The following CALN1 variants were observed in gnomAD, a reference collection of about 807,000 sequenced individuals.
CALN1 encodes calneuron 1.
A neutral mutation model predicts 30.6 loss-of-function variants in CALN1; 17 were observed. That is an observed-to-expected ratio of 0.56 (90% CI 0.38 to 0.83). The LOEUF (loss-of-function observed/expected upper bound fraction) is 0.83. Ranked by LOEUF, CALN1 falls within the 40% of genes least tolerant of loss-of-function variation. CALN1 has a pLI of 0.00. For missense variants in CALN1, 291 were observed against 354.9 expected (o/e 0.82, Z 1.45); for synonymous variants, 156 against 131.4 (o/e 1.19, Z -1.28).
At chr7:72,459,914 T>A in the CALN1 span, among the ~76,000 whole-genome samples, 2 of 152,178 alleles carry the variant, frequency 1.3e-5, no homozygotes, top group Non-Finnish European at 2.9e-5. Flanking sequence ...AAAGGCATAC[T>A]TGGGGCTGGG....
intron 1 of CALN1, among the ~76,000 whole-genome samples, chr7:72,425,323 A>G (rs1807767111): frequency 6.6e-6 from 1 of 152,162 alleles, no homozygotes; most frequent in Admixed American, 6.5e-5. Flanking sequence ...CATGTTGGCC[A>G]GGCTGGTCTC....
intron 5 of CALN1, among the ~76,000 whole-genome samples, chr7:71,998,113 T>C (rs1334195505): frequency 1.3e-5 from 2 of 152,072 alleles, no homozygotes; most frequent in African/African-American, 4.8e-5. Context: ...TCGTCAGCCA[T>C]GGTGCCCAGC....
chr7:72,231,508 C>T (rs1440802137), intron 3 of CALN1, among the ~76,000 whole-genome samples: 1 of 152,186 alleles, frequency 6.6e-6, no homozygotes, highest in South Asian at 2.1e-4. Flanking sequence ...ATATGTACCA[C>T]ATTTTCTTTA....
intron 5 of CALN1, among the ~76,000 whole-genome samples, chr7:71,952,306 G>A (rs1210243402): frequency 6.6e-6 from 1 of 152,180 alleles, no homozygotes; most frequent in Non-Finnish European, 1.5e-5. Context: ...CAGCGGCTCA[G>A]TGGCTCCCAG....
At chr7:72,388,675 C>T (rs572562505) in intron 2 of CALN1, among the ~76,000 whole-genome samples, 2 of 152,324 alleles carry the variant, frequency 1.3e-5, no homozygotes, top group South Asian at 4.1e-4. Flanking sequence ...TCTGTGCCCT[C>T]TCCCTAAAAG....
chr7:72,215,833 G>GCC (rs1792761023), intron 3 of CALN1, among the ~76,000 whole-genome samples: 1 of 152,064 alleles, frequency 6.6e-6, no homozygotes, highest in African/African-American at 2.4e-5. Flanking sequence ...TCCCCAGGCA[G>GCC]CCCCCAGCCA....
At chr7:72,268,208 G>C (rs1032425299) in intron 3 of CALN1, among the ~76,000 whole-genome samples, 1 of 152,144 alleles carries the variant, frequency 6.6e-6, no homozygotes, top group African/African-American at 2.4e-5. Flanking sequence ...TGAATAGGTA[G>C]GGATTTCCCA....
At chr7:72,372,589 G>C (rs575205541) in intron 2 of CALN1, among the ~76,000 whole-genome samples, 40 of 152,262 alleles carry the variant, frequency 2.6e-4, no homozygotes, top group African/African-American at 8.7e-4. Context: ...TATAAACTTT[G>C]AGAACTGAAC....
intron 2 of CALN1, among the ~76,000 whole-genome samples, chr7:72,308,362 T>TGG (rs1231496884): frequency 4.5e-5 from 2 of 44,810 alleles, no homozygotes; most frequent in African/African-American, 3.3e-4. Context: ...AGATGCTGTC[T>TGG]GTGGGGGGGG....
At chr7:71,943,713 A>T (rs1439939385) in intron 5 of CALN1, among the ~76,000 whole-genome samples, 2 of 152,132 alleles carry the variant, frequency 1.3e-5, no homozygotes, top group Non-Finnish European at 2.9e-5. Context: ...AAGTGTTGGG[A>T]TTACAGGAGT....
intron 2 of CALN1, among the ~76,000 whole-genome samples, chr7:72,309,004 AC>A (rs1799856091): frequency 6.6e-6 from 1 of 152,222 alleles, no homozygotes; most frequent in Non-Finnish European, 1.5e-5. Flanking sequence ...TCTCAGTTAT[AC>A]CTTATCCCCA....
intron 2 of CALN1, among the ~76,000 whole-genome samples, chr7:72,337,947 G>A (rs898943951): frequency 7.2e-5 from 11 of 152,192 alleles, no homozygotes; most frequent in African/African-American, 2.4e-4. Context: ...CTGAGTCTAC[G>A]CCCAGACAGA....
intron 5 of CALN1, among the ~76,000 whole-genome samples, chr7:71,933,625 A>G (rs189378871): frequency 3.7e-4 from 56 of 152,308 alleles, no homozygotes; most frequent in African/African-American, 1.3e-3. Flanking sequence ...GTGGGCAGGC[A>G]CTTTGTCTTA....
At chr7:72,227,075 T>C (rs192007310) in intron 3 of CALN1, among the ~76,000 whole-genome samples, 13 of 151,650 alleles carry the variant, frequency 8.6e-5, no homozygotes, top group East Asian at 2.0e-4. Context: ...ACAATAGACA[T>C]TGGGGAAACA....
the CALN1 span, among the ~76,000 whole-genome samples, chr7:72,472,207 C>T: frequency 6.6e-6 from 1 of 152,156 alleles, no homozygotes; most frequent in Non-Finnish European, 1.5e-5. Context: ...ACTTTCTCAG[C>T]CATAGTCACC....
chr7:72,392,358 G>A (rs1383687016), intron 2 of CALN1, among the ~76,000 whole-genome samples: 1 of 152,156 alleles, frequency 6.6e-6, no homozygotes, highest in Non-Finnish European at 1.5e-5. Context: ...CCCGAGTTTG[G>A]GGCGGTTTAT....
chr7:71,827,876 G>T (rs929054098), intron 5 of CALN1, among the ~76,000 whole-genome samples: 1 of 152,022 alleles, frequency 6.6e-6, no homozygotes, highest in African/African-American at 2.4e-5. Context: ...GGAGGCAAGG[G>T]TGGGTCCATG....
intron 2 of CALN1, among the ~76,000 whole-genome samples, chr7:72,352,396 A>AAC (rs1802974675): frequency 6.6e-6 from 1 of 151,208 alleles, no homozygotes; most frequent in Non-Finnish European, 1.5e-5. Flanking sequence ...CTCAAAAAAA[A>AAC]AAAAAAAAAA....
At chr7:72,468,546 T>C in the CALN1 span, among the ~76,000 whole-genome samples, 1 of 152,198 alleles carries the variant, frequency 6.6e-6, no homozygotes, top group Non-Finnish European at 1.5e-5. Flanking sequence ...ACTCCTGAGC[T>C]GAAGTGATCT....
Sources: allele counts gnomAD v4.1 joint callset (sites outside exome capture counted in the v4.1 genomes callset), GRCh38; gene constraint gnomAD v4.1.1; transcripts MANE v1.5; gene names NCBI Gene and HGNC (gene_info 2026-07-23, HGNC 2026-07-21).